Variants in LRP1B observed in about 807,000 individuals in gnomAD.
The protein encoded by LRP1B is low-density lipoprotein receptor-related protein 1B.
A neutral mutation model predicts 556.6 loss-of-function variants in LRP1B; 217 were observed. The ratio of observed to expected loss-of-function variants is 0.39; its 90% CI spans 0.35 to 0.44. The LOEUF is 0.44. LRP1B is among the 20% of genes least tolerant of loss of function. LRP1B has a pLI of 1.00. For missense variants in LRP1B, 5,053 were observed against 5,620.8 expected (o/e 0.90, Z 3.23); for synonymous variants, 2,047 against 1,865.8 (o/e 1.10, Z -2.50).
intron 3 of LRP1B, among the ~76,000 whole-genome samples, chr2:141,459,055 T>C (rs1482774463): frequency 1.3e-5 from 2 of 151,878 alleles, no homozygotes; most frequent in Non-Finnish European, 2.9e-5. Flanking sequence ...CGTGTCAGTT[T>C]CTGATCAATT....
At chr2:140,363,379 G>A (rs1311809810) in intron 72 of LRP1B, among the ~76,000 whole-genome samples, 3 of 151,494 alleles carry the variant, frequency 2.0e-5, no homozygotes, top group African/African-American at 7.3e-5. Context: ...AGCAGCTCTA[G>A]GAGAATATGA....
chr2:140,334,648 G>A (rs1680978853), intron 78 of LRP1B, 89 bp from the exon 79 acceptor site: 5 of 653,642 alleles, frequency 7.6e-6, no homozygotes, highest in South Asian at 6.2e-5. Flanking sequence ...TTCAGACCAC[G>A]TGCCTCAGAA....
Position 140,347,208 on chromosome 2 carries a change from AC to A in LRP1B, c.11892+3588del, listed in dbSNP as rs1217743985. ...AATGCTGTTATATTCTGTTCTGGGTACTAAAATTAACATTCAGAAGTCTCAT... is the reference window on the plus strand; with the variant it reads ...AATGCTGTTATATTCTGTTCTGGGTATAAAATTAACATTCAGAAGTCTCAT... On this transcript the variant is annotated intron_variant, in intron 77 of 90. Transcript: ENST00000389484. Among the ~76,000 whole-genome samples the A allele has an allele frequency of 5.3e-5, 8 of 151,976 alleles. No homozygotes were observed. In the East Asian group the frequency reaches 1.6e-3, roughly 30 times the overall value.
At chr2:140,446,194 A>G (rs919777484) in intron 63 of LRP1B, among the ~76,000 whole-genome samples, 4 of 152,112 alleles carry the variant, frequency 2.6e-5, no homozygotes, top group African/African-American at 9.7e-5. Context: ...TTTGCTTTGT[A>G]TACAATTTTC....
At chr2:140,234,487 C>T (rs1680608672) in intron 90 of LRP1B, among the ~76,000 whole-genome samples, 1 of 151,228 alleles carries the variant, frequency 6.6e-6, no homozygotes, top group Non-Finnish European at 1.5e-5. Context: ...GTTTTAATTT[C>T]TGGCTAGAGC....
intron 32 of LRP1B, among the ~76,000 whole-genome samples, chr2:140,779,511 A>G (rs1237710328): frequency 6.6e-6 from 1 of 152,028 alleles, no homozygotes; most frequent in Non-Finnish European, 1.5e-5. Context: ...CCTGACCAAC[A>G]TGGTGAAACC....
At chr2:141,952,025 G>A (rs908916926) in intron 1 of LRP1B, among the ~76,000 whole-genome samples, 3 of 109,150 alleles carry the variant, frequency 2.7e-5, no homozygotes, top group African/African-American at 3.7e-5. Flanking sequence ...GACAGGCCCC[G>A]GTGTGTGATG....
At chr2:140,968,234 C>T (rs1168791496) in intron 18 of LRP1B, among the ~76,000 whole-genome samples, 1 of 151,674 alleles carries the variant, frequency 6.6e-6, no homozygotes, top group Non-Finnish European at 1.5e-5. Context: ...TTCAGGGATT[C>T]AACTTCTTCC....
chr2:140,254,797 C>T (rs994596108), intron 86 of LRP1B, among the ~76,000 whole-genome samples: 5 of 149,834 alleles, frequency 3.3e-5, no homozygotes, highest in Non-Finnish European at 7.4e-5. Context: ...CGTGATCCTC[C>T]CGCCTTGGCC....
At chr2:140,510,261 A>G (rs1166210313) in intron 51 of LRP1B, among the ~76,000 whole-genome samples, 5 of 152,164 alleles carry the variant, frequency 3.3e-5, no homozygotes, top group African/African-American at 4.8e-5. Flanking sequence ...TCCTAGCTAT[A>G]ATTGTTATAT....
intron 43 of LRP1B, among the ~76,000 whole-genome samples, chr2:140,586,295 G>A (rs1004478037): frequency 6.6e-6 from 1 of 152,030 alleles, no homozygotes; most frequent in African/African-American, 2.4e-5. Flanking sequence ...GACTCAAATC[G>A]TATAAGCTGG....
intron 7 of LRP1B, among the ~76,000 whole-genome samples, chr2:141,090,369 T>C (rs1363697109): frequency 6.6e-6 from 1 of 152,226 alleles, no homozygotes; most frequent in Non-Finnish European, 1.5e-5. Flanking sequence ...GAAAAACTTC[T>C]GTAAGCAGAA....
At chr2:140,807,960 C>T (rs748126536) in intron 32 of LRP1B, among the ~76,000 whole-genome samples, 9 of 152,224 alleles carry the variant, frequency 5.9e-5, no homozygotes, top group East Asian at 1.9e-4. Flanking sequence ...GGTGTAATGG[C>T]GCATGCCTGT....
At chr2:141,925,362 T>C (rs1213479789) in intron 1 of LRP1B, among the ~76,000 whole-genome samples, 1 of 152,164 alleles carries the variant, frequency 6.6e-6, no homozygotes, top group African/African-American at 2.4e-5. Flanking sequence ...GACTATAATA[T>C]TACAAATGAA....
In LRP1B at chr2:141,285,838, G is replaced by A. The variant is rs1451068403; in HGVS notation, c.344-31197C>T. Among the ~76,000 whole-genome samples, 7 of 148,676 alleles carry A rather than the reference G, an allele frequency of 4.7e-5. No homozygotes were observed. In the South Asian group the frequency reaches 8.4e-4, roughly 18 times the overall value. ...TCCCAGCACTTTGGGAGGCCGAGGC[G>A]GGCGGATCACGAGGTCAGGAGATCG... On this transcript the variant is annotated intron_variant, in intron 3 of 90. Coordinates refer to ENST00000389484, the MANE Select transcript of LRP1B (RefSeq NM_018557.3).
intron 51 of LRP1B, among the ~76,000 whole-genome samples, chr2:140,512,700 C>T (rs769903668): frequency 3.8e-4 from 58 of 152,028 alleles, no homozygotes; most frequent in Non-Finnish European, 6.0e-4. Flanking sequence ...ATCAGAATCA[C>T]TATGTGCATA....
intron 1 of LRP1B, among the ~76,000 whole-genome samples, chr2:142,073,343 A>C (rs1054424265): frequency 2.6e-5 from 4 of 152,092 alleles, no homozygotes; most frequent in Non-Finnish European, 5.9e-5. Flanking sequence ...AAAATGTGGA[A>C]TAACAAAATA....
At chr2:140,363,807 G>A (rs1682627661) in intron 72 of LRP1B, among the ~76,000 whole-genome samples, 1 of 151,356 alleles carries the variant, frequency 6.6e-6, no homozygotes, top group East Asian at 2.0e-4. Context: ...GCCTTAACTT[G>A]ATGCAACAAA....
At chr2:141,326,081 C>T (rs1687415600) in intron 3 of LRP1B, among the ~76,000 whole-genome samples, 1 of 151,978 alleles carries the variant, frequency 6.6e-6, no homozygotes, top group Admixed American at 6.6e-5. Flanking sequence ...AGTGCTTTAC[C>T]TTAATGATTT....
Sources: allele counts gnomAD v4.1 joint callset (sites outside exome capture counted in the v4.1 genomes callset), GRCh38; gene constraint gnomAD v4.1.1; transcripts MANE v1.5; gene names NCBI Gene and HGNC (gene_info 2026-07-23, HGNC 2026-07-21).